TBXAS1: variants seen among roughly 807,000 people sequenced by gnomAD.
TBXAS1 encodes thromboxane-A synthase.
A neutral mutation model predicts 60.7 loss-of-function variants in TBXAS1; 48 were observed. The observed-to-expected ratio is 0.79, with a 90% CI of 0.63 to 1.01. The LOEUF (loss-of-function observed/expected upper bound fraction) is 1.01, where lower values mean the gene tolerates loss of function less well. Among genes scored for constraint, TBXAS1 ranks in the 50% least tolerant of loss-of-function variants. TBXAS1 has a pLI of 0.00. For missense variants in TBXAS1, 685 were observed against 686.3 expected (o/e 1.00, Z 0.02); for synonymous variants, 287 against 269.7 (o/e 1.06, Z -0.63).
chr7:139,932,874 T>C (rs1463219259), intron 4 of TBXAS1, among the ~76,000 whole-genome samples: 2 of 152,048 alleles, frequency 1.3e-5, no homozygotes, highest in East Asian at 1.9e-4. Context: ...CTGGTCAACA[T>C]AGTGAGACAC....
intron 4 of TBXAS1, among the ~76,000 whole-genome samples, chr7:139,812,718 C>A (rs1208541704): frequency 6.6e-6 from 1 of 152,102 alleles, no homozygotes; most frequent in African/African-American, 2.4e-5. Context: ...ACGAGAAGTA[C>A]CTGAGAGTTT....
At chr7:139,977,683 C>T (rs41713) in intron 9 of TBXAS1, among the ~76,000 whole-genome samples, 75,902 of 151,876 alleles carry the variant, frequency 0.5, 19,621 homozygotes, top group Non-Finnish European at 0.57. Context: ...TCCACCACCA[C>T]CTCCATCCTT....
At chr7:139,912,893 G>A (rs1252677983) in intron 4 of TBXAS1, among the ~76,000 whole-genome samples, 1 of 152,112 alleles carries the variant, frequency 6.6e-6, no homozygotes, top group African/African-American at 2.4e-5. Flanking sequence ...GATCAACCCT[G>A]GTAACATGGC....
chr7:139,932,872 C>T (rs1418981303), intron 4 of TBXAS1, among the ~76,000 whole-genome samples: 2 of 152,100 alleles, frequency 1.3e-5, no homozygotes, highest in African/African-American at 2.4e-5. Flanking sequence ...GCCTGGTCAA[C>T]ATAGTGAGAC....
intron 1 of TBXAS1, among the ~76,000 whole-genome samples, chr7:139,849,564 G>T (rs1256961030): frequency 6.6e-6 from 1 of 152,188 alleles, no homozygotes; most frequent in Non-Finnish European, 1.5e-5. Flanking sequence ...GGGCCAGGTT[G>T]GTCCTGGGCC....
intron 3 of TBXAS1, among the ~76,000 whole-genome samples, chr7:139,903,687 T>C (rs1339614530): frequency 6.6e-6 from 1 of 152,164 alleles, no homozygotes; most frequent in African/African-American, 2.4e-5. Context: ...TTGATCGGCA[T>C]TTCCCTGATC....
At chr7:139,780,617 GTTAGA>G (rs1796952692) in intron 1 of TBXAS1, 1 of 154,372 alleles carries the variant, frequency 6.5e-6, no homozygotes. Flanking sequence ...CTGAGGCTGG[GTTAGA>G]TTAGAGAGAG....
chr7:139,906,549 G>A (rs570859886), intron 3 of TBXAS1, among the ~76,000 whole-genome samples: 5 of 152,066 alleles, frequency 3.3e-5, no homozygotes, highest in Non-Finnish European at 7.4e-5. Flanking sequence ...TTGGGATCTC[G>A]TAGACTGATT....
At chr7:139,905,139 C>T (rs1235833291) in intron 3 of TBXAS1, among the ~76,000 whole-genome samples, 1 of 150,856 alleles carries the variant, frequency 6.6e-6, no homozygotes, top group East Asian at 2.0e-4. Context: ...CTGGCTAGGA[C>T]TTCCAGTACT....
chr7:139,833,804 T>C (rs551552158), intron 1 of TBXAS1, among the ~76,000 whole-genome samples: 104 of 152,002 alleles, frequency 6.8e-4, no homozygotes, highest in African/African-American at 2.4e-3. Context: ...GCTTCCAAAT[T>C]TACAAAACAA....
At chr7:139,805,686 C>CT (rs1468097571) in intron 4 of TBXAS1, among the ~76,000 whole-genome samples, 1 of 33,856 alleles carries the variant, frequency 3.0e-5, no homozygotes, top group Non-Finnish European at 4.9e-5. Flanking sequence ...TTCTTTCTTT[C>CT]TTTCTTTCTT....
intron 4 of TBXAS1, among the ~76,000 whole-genome samples, chr7:139,800,340 A>C (rs563401495): frequency 6.6e-6 from 1 of 152,218 alleles, no homozygotes; most frequent in East Asian, 1.9e-4. Context: ...ACCTCAATGC[A>C]CCTGACTGAA....
At chr7:139,858,866 T>A (rs1800767719) in intron 1 of TBXAS1, among the ~76,000 whole-genome samples, 2 of 152,194 alleles carry the variant, frequency 1.3e-5, no homozygotes, top group African/African-American at 4.8e-5. Context: ...TTTTAATTTT[T>A]AATTTTAATT....
At chr7:139,965,161 T>C (rs913840613) in intron 9 of TBXAS1, among the ~76,000 whole-genome samples, 2 of 151,732 alleles carry the variant, frequency 1.3e-5, no homozygotes, top group Non-Finnish European at 2.9e-5. Flanking sequence ...GAGGTTGCAG[T>C]GAGCAAAGAT....
In TBXAS1 at chr7:139,911,985, C is replaced by T. The variant is rs117254062; in HGVS notation, c.333+664C>T. ...GTGGCTCATACCTGTAGTCCCCACA[C>T]TTTGGGAGGCCAAGGAGGGTGGATT... On this transcript the variant is annotated intron_variant, in intron 4 of 12. Coordinates refer to ENST00000448866, the MANE Select transcript of TBXAS1 (RefSeq NM_001061.7). Among the ~76,000 whole-genome samples, 465 of 152,360 alleles carry T rather than the reference C, an allele frequency of 3.1e-3. 16 individuals are homozygous for T. The East Asian group carries it at 0.073, about 24-fold the overall frequency.
chr7:139,871,266 T>C (rs1362505266), intron 1 of TBXAS1, among the ~76,000 whole-genome samples: 5 of 152,230 alleles, frequency 3.3e-5, no homozygotes, highest in African/African-American at 7.2e-5. Context: ...TGAGTTTCAA[T>C]ACACACAGAA....
intron 3 of TBXAS1, among the ~76,000 whole-genome samples, chr7:139,785,523 C>G (rs1367686600): frequency 2.0e-5 from 3 of 151,816 alleles, no homozygotes; most frequent in Non-Finnish European, 1.5e-5. Flanking sequence ...TCTTCCATTC[C>G]TCTTCCTTTC....
rs558107272 is a variant in TBXAS1, at chr7:139,998,215, G to C, written c.1135-8876G>C. Among the ~76,000 whole-genome samples, 5 of 152,342 alleles carry C rather than the reference G, an allele frequency of 3.3e-5. No homozygotes were observed. In the South Asian group the frequency reaches 8.3e-4, roughly 25 times the overall value. On this transcript the variant is annotated intron_variant, in intron 9 of 12. Coordinates refer to ENST00000448866, the MANE Select transcript of TBXAS1 (RefSeq NM_001061.7). ...TCAAGACAGTGGTTACTACTGAGGG[G>C]CATGTGACCGGGAGAGGCCACGGGT...
chr7:139,905,019 CT>C (rs1227162392), intron 3 of TBXAS1, among the ~76,000 whole-genome samples: 1 of 75,190 alleles, frequency 1.3e-5, no homozygotes, highest in African/African-American at 7.4e-5. Flanking sequence ...TTCTTTCTTT[CT>C]TTCTTTCTTT....
Sources: gnomAD v4.1 joint callset for allele counts (sites outside exome capture counted in the v4.1 genomes callset) on GRCh38, gnomAD v4.1.1 for gene constraint, MANE v1.5 for transcripts, NCBI Gene and HGNC (gene_info 2026-07-23, HGNC 2026-07-21) for gene names.